The following SNX29 variants were observed in gnomAD, a reference collection of about 807,000 sequenced individuals.
SNX29 encodes the protein sorting nexin 29.
A neutral mutation model predicts 102.1 loss-of-function variants in SNX29; 78 were observed. The ratio of observed to expected loss-of-function variants is 0.76; its 90% CI spans 0.64 to 0.92. SNX29 has a LOEUF of 0.92. SNX29 is among the 40% of genes least tolerant of loss of function. The pLI is 0.00. For missense variants in SNX29, 1,280 were observed against 1,061.7 expected (o/e 1.21, Z -2.86); for synonymous variants, 580 against 414.5 (o/e 1.40, Z -4.85).
At chr16:12,035,115 A>G (rs1451131787) in intron 4 of SNX29, among the ~76,000 whole-genome samples, 1 of 151,880 alleles carries the variant, frequency 6.6e-6, no homozygotes, top group Admixed American at 6.5e-5. Flanking sequence ...TGCTCCTTTC[A>G]GAATGTAAAT....
chr16:12,095,983 G>A (rs534506681), intron 11 of SNX29, among the ~76,000 whole-genome samples: 2 of 152,246 alleles, frequency 1.3e-5, no homozygotes, highest in Non-Finnish European at 2.9e-5. Flanking sequence ...CAGAAATGAA[G>A]TTGAGGAGTG....
intron 15 of SNX29, among the ~76,000 whole-genome samples, chr16:12,318,506 C>G (rs1305581672): frequency 6.6e-6 from 1 of 152,108 alleles, no homozygotes; most frequent in Non-Finnish European, 1.5e-5. Context: ...AGCTTCATTC[C>G]CATCCTCTGT....
At chr16:11,985,002 AT>A (rs139330942) in intron 1 of SNX29, among the ~76,000 whole-genome samples, 45 of 149,730 alleles carry the variant, frequency 3.0e-4, no homozygotes, top group Non-Finnish European at 3.3e-4. Flanking sequence ...TGCAGTGAAC[AT>A]TTTTTTTTCA....
intron 19 of SNX29, among the ~76,000 whole-genome samples, chr16:12,519,835 C>A (rs774497725): frequency 7.2e-5 from 11 of 152,034 alleles, no homozygotes; most frequent in Non-Finnish European, 1.6e-4. Context: ...TGGCGAAACC[C>A]TGTCTCTGTT....
chr16:12,413,490 C>G (rs940064273), intron 18 of SNX29, among the ~76,000 whole-genome samples: 2 of 151,720 alleles, frequency 1.3e-5, no homozygotes, highest in African/African-American at 4.8e-5. Flanking sequence ...GAGAAGGGAG[C>G]CAGGTGAGGT....
chr16:12,304,762 C>T (rs538163009), intron 15 of SNX29, among the ~76,000 whole-genome samples: 2 of 152,152 alleles, frequency 1.3e-5, no homozygotes, highest in Non-Finnish European at 2.9e-5. Flanking sequence ...CCATAATTCA[C>T]TTGTTTATAT....
At chr16:12,566,126 T>G (rs528331222) in intron 20 of SNX29, among the ~76,000 whole-genome samples, 5 of 152,328 alleles carry the variant, frequency 3.3e-5, no homozygotes, top group African/African-American at 1.2e-4. Flanking sequence ...TGTCCAAGGC[T>G]CAGAGGGCAG....
intron 18 of SNX29, among the ~76,000 whole-genome samples, chr16:12,406,865 C>T (rs980879705): frequency 2.6e-5 from 4 of 152,132 alleles, no homozygotes; most frequent in East Asian, 1.9e-4. Flanking sequence ...GCTGAGATCG[C>T]GCCACTACAC....
intron 20 of SNX29, 113 bp downstream of exon 20, chr16:12,524,954 G>A: frequency 1.4e-6 from 2 of 1,447,288 alleles, no homozygotes; most frequent in South Asian, 1.4e-5. Flanking sequence ...ATCGCCATGG[G>A]ACCCAGGCGA....
At chr16:12,019,597 TAGATAG>T (rs2056957866) in intron 3 of SNX29, among the ~76,000 whole-genome samples, 4 of 146,578 alleles carry the variant, frequency 2.7e-5, no homozygotes, top group Non-Finnish European at 5.9e-5. Context: ...TATATATAGA[TAGATAG>T]ATAGATAGAT....
chr16:12,253,733 G>A (rs1326448455), intron 14 of SNX29, among the ~76,000 whole-genome samples: 3 of 152,142 alleles, frequency 2.0e-5, no homozygotes, highest in African/African-American at 4.8e-5. Flanking sequence ...GAGGCTGGCC[G>A]CAGGTGGGAA....
At chr16:12,270,235 G>A (rs923731591) in intron 14 of SNX29, among the ~76,000 whole-genome samples, 2 of 152,168 alleles carry the variant, frequency 1.3e-5, no homozygotes, top group African/African-American at 4.8e-5. Flanking sequence ...AGTTTGATCA[G>A]TTGCAAATGT....
intron 14 of SNX29, among the ~76,000 whole-genome samples, chr16:12,206,775 C>T (rs1318251379): frequency 6.6e-6 from 1 of 151,240 alleles, no homozygotes; most frequent in African/African-American, 2.4e-5. Flanking sequence ...CAATGCTTGG[C>T]CCCACCCAGA....
chr16:12,560,514 T>TG (rs1319576090), intron 20 of SNX29, among the ~76,000 whole-genome samples: 5 of 152,142 alleles, frequency 3.3e-5, no homozygotes, highest in Non-Finnish European at 7.3e-5. Flanking sequence ...TGTCCTGCCC[T>TG]CCACCTTCCA....
chr16:12,541,864 C>G lies in SNX29; in HGVS notation c.2318+17023C>G, dbSNP rs536175910. On this transcript the variant is annotated intron_variant, in intron 20 of 20. Coordinates refer to ENST00000566228, the MANE Select transcript of SNX29 (RefSeq NM_032167.5). The stretch of plus-strand genomic sequence containing the variant: ...CAGCTTTGTAGCACATGCCTGGAAA[C>G]CAGTCAATGCTTGATGAATGTTTAT... 6.0e-4 allele frequency among the ~76,000 whole-genome samples: 92 copies of G among 152,276 alleles called. 1 individual carries two copies. Among genetic ancestry groups the G allele is most frequent in the African/African-American group, 2.0e-3 (84 of 41,544 alleles).
At chr16:12,559,247 C>G (rs1236305025) in intron 20 of SNX29, among the ~76,000 whole-genome samples, 3 of 152,238 alleles carry the variant, frequency 2.0e-5, no homozygotes, top group South Asian at 4.1e-4. Flanking sequence ...ACTCGCATCA[C>G]CGCCTGAGCT....
chr16:12,013,500 A>ATATATATAT (rs1555518837), intron 3 of SNX29, among the ~76,000 whole-genome samples: 4 of 31,608 alleles, frequency 1.3e-4, no homozygotes, highest in African/African-American at 2.9e-4. Flanking sequence ...AAAAAAAAAA[A>ATATATATAT]ATATATATAT....
At chr16:12,438,431 C>T (rs1031350836) in intron 18 of SNX29, among the ~76,000 whole-genome samples, 8 of 152,022 alleles carry the variant, frequency 5.3e-5, no homozygotes, top group Non-Finnish European at 7.4e-5. Flanking sequence ...TTCATTTACC[C>T]GCTCACTCCA....
intron 20 of SNX29, among the ~76,000 whole-genome samples, chr16:12,561,523 G>C (rs1182637827): frequency 1.3e-5 from 2 of 152,176 alleles, no homozygotes; most frequent in Admixed American, 6.5e-5. Flanking sequence ...AAAGTGAAAA[G>C]TTAGTCTCTC....
Sources: allele counts gnomAD v4.1 joint callset (sites outside exome capture counted in the v4.1 genomes callset), GRCh38; gene constraint gnomAD v4.1.1; transcripts MANE v1.5; gene names NCBI Gene and HGNC (gene_info 2026-07-23, HGNC 2026-07-21).